Variants in CYRIA observed in about 807,000 individuals in gnomAD.
The protein encoded by CYRIA is CYFIP-related Rac1 interactor A.
CYRIA carries 15 observed loss-of-function variants against 43.9 expected under a neutral mutation model. That is an observed-to-expected ratio of 0.34 (90% CI 0.23 to 0.53). CYRIA has a LOEUF of 0.53. CYRIA is among the 20% of genes least tolerant of loss of function. The probability of loss-of-function intolerance (pLI) is 0.94; values close to 1 mark genes in which losing one functional copy is unlikely to be tolerated. For synonymous variants in CYRIA, 117 were observed against 136.0 expected (o/e 0.86, Z 0.97); for missense variants, 236 against 394.2 (o/e 0.60, Z 3.40).
rs1222504292 is a variant in CYRIA, at chr2:16,552,603, A to G, written c.*333T>C. ...TATAAACTATACTTCCCAGAGAGATAACACATCTAGAATTAAAATACTACC... is the reference window on the plus strand; with the variant it reads ...TATAAACTATACTTCCCAGAGAGATGACACATCTAGAATTAAAATACTACC... On this transcript the variant is annotated 3_prime_UTR_variant, in exon 12 of 12. Coordinates refer to ENST00000381323, the MANE Select transcript of CYRIA (RefSeq NM_030797.4). 1 of 206,256 alleles carries G rather than the reference A, an allele frequency of 4.8e-6. No homozygotes were observed. The highest frequency in any genetic ancestry group is 9.7e-6 in the Non-Finnish European group (1 of 103,572). 12.8% of individuals were successfully genotyped at this position (206,256 alleles called of 1,614,324 possible).
chr2:16,562,036 A>G lies in CYRIA; in HGVS notation c.404T>C (p.Leu135Ser). 1 of 1,613,548 alleles carries G rather than the reference A, an allele frequency of 6.2e-7. No individual in the cohort carries two copies. The highest frequency in any genetic ancestry group is 8.5e-7 in the Non-Finnish European group (1 of 1,179,646). ...CTCATCGAATCGAAGGGTAAAATGT[A>G]AAATTTCGGCAAACTCCTTTGCCAG... Reference protein sequence around the residue: ...QALAKEFAEILHFTLRFDELK... With the variant: ...QALAKEFAEISHFTLRFDELK... The change falls in exon 6 of 12, where the codon TTA (leucine) becomes TCA (serine). Residue 135 changes from leucine to serine, a missense_variant. This residue lies in a region of CYRIA where 193 missense variants were observed against 303.9 expected (regional missense o/e 0.64). Transcript: ENST00000381323.
At chr2:16,660,836 T>C (rs544323606) in intron 1 of CYRIA, among the ~76,000 whole-genome samples, 16 of 152,332 alleles carry the variant, frequency 1.1e-4, no homozygotes, top group African/African-American at 3.8e-4. Flanking sequence ...TCTGCAGCGC[T>C]AAGCTGGACC....
chr2:16,664,663 A>C (rs1394636615), intron 1 of CYRIA, among the ~76,000 whole-genome samples: 1 of 152,182 alleles, frequency 6.6e-6, no homozygotes, highest in Non-Finnish European at 1.5e-5. Flanking sequence ...CCAGGGTCCC[A>C]GATCAGCATT....
chr2:16,605,073 C>T (rs1668347434), intron 2 of CYRIA, among the ~76,000 whole-genome samples: 1 of 152,132 alleles, frequency 6.6e-6, no homozygotes, highest in Admixed American at 6.5e-5. Flanking sequence ...CTTGGCATTC[C>T]CCATGGAATA....
chr2:16,586,100 G>A (rs545675231), intron 3 of CYRIA, among the ~76,000 whole-genome samples: 9 of 152,202 alleles, frequency 5.9e-5, no homozygotes, highest in Non-Finnish European at 1.0e-4. Flanking sequence ...AGGTACATAT[G>A]AGCATGCACA....
Position 16,638,654 on chromosome 2 carries a change from C to T in CYRIA, c.-166-14635G>A, listed in dbSNP as rs928318645. On this transcript the variant is annotated intron_variant, in intron 1 of 11. Coordinates refer to ENST00000381323, the MANE Select transcript of CYRIA (RefSeq NM_030797.4). The stretch of plus-strand genomic sequence containing the variant: ...CACCGCACATGAGGCAGGGGCTGGG[C>T]GGACCACAGAGGGCCTAGCAAATAC... Among the ~76,000 whole-genome samples the T allele has an allele frequency of 7.2e-5, 11 of 152,200 alleles. No individual in the cohort carries two copies. The South Asian group carries it at 8.3e-4, about 11-fold the overall frequency.
At chr2:16,606,901 C>T (rs1668418735) in intron 2 of CYRIA, among the ~76,000 whole-genome samples, 1 of 151,906 alleles carries the variant, frequency 6.6e-6, no homozygotes, top group Non-Finnish European at 1.5e-5. Context: ...GAAATTTGCT[C>T]CCAGGTCAAA....
rs547228270 is a variant in CYRIA, at chr2:16,612,325, A to G, written c.-11+11539T>C. Among the ~76,000 whole-genome samples the G allele has an allele frequency of 5.9e-4, 89 of 151,954 alleles. 2 individuals carry two copies. The highest frequency in any genetic ancestry group is 2.1e-3 in the African/African-American group (86 of 41,420). On this transcript the variant is annotated intron_variant, in intron 2 of 11. Coordinates refer to ENST00000381323, the MANE Select transcript of CYRIA (RefSeq NM_030797.4). Reference sequence around the variant, plus strand: ...GTGGATGGGAGGGGGGAAAAGGGTGAGAGGATAGGAAGAAGGAAGGAAGGA... The same window carrying G: ...GTGGATGGGAGGGGGGAAAAGGGTGGGAGGATAGGAAGAAGGAAGGAAGGA...
chr2:16,634,068 A>G (rs564537927), intron 1 of CYRIA, among the ~76,000 whole-genome samples: 1 of 152,184 alleles, frequency 6.6e-6, no homozygotes, highest in Admixed American at 6.5e-5. Context: ...ACACTGAGTC[A>G]TGGTCGAGGT....
intron 5 of CYRIA, 140 bp downstream of exon 5, chr2:16,563,849 T>C: frequency 1.7e-6 from 1 of 601,970 alleles, no homozygotes; most frequent in South Asian, 2.1e-5. Context: ...ACAAGAGTTG[T>C]TGCTCATAAA....
intron 3 of CYRIA, among the ~76,000 whole-genome samples, chr2:16,583,771 G>A (rs934914619): frequency 1.3e-5 from 2 of 152,164 alleles, no homozygotes; most frequent in African/African-American, 4.8e-5. Flanking sequence ...GAAGGAAGTA[G>A]AGAGGGAAGA....
chr2:16,618,263 C>T (rs1436545186), intron 2 of CYRIA, among the ~76,000 whole-genome samples: 2 of 152,192 alleles, frequency 1.3e-5, no homozygotes, highest in African/African-American at 4.8e-5. Flanking sequence ...TTTCTCTCTT[C>T]ACTCCCTCTT....
chr2:16,571,851 C>A (rs1019176861), intron 3 of CYRIA, among the ~76,000 whole-genome samples: 8 of 152,128 alleles, frequency 5.3e-5, no homozygotes, highest in Admixed American at 5.2e-4. Context: ...AAATAATTAT[C>A]TATTATTAAT....
At chr2:16,581,798 C>G (rs577440735) in intron 3 of CYRIA, among the ~76,000 whole-genome samples, 107 of 151,942 alleles carry the variant, frequency 7.0e-4, no homozygotes, top group African/African-American at 2.6e-3. Flanking sequence ...GGGAAATAGC[C>G]CATATGATCA....
Position 16,642,778 on chromosome 2 carries a change from C to G in CYRIA, c.-166-18759G>C, listed in dbSNP as rs191426611. 2.9e-3 allele frequency among the ~76,000 whole-genome samples: 439 copies of G among 152,258 alleles called. 7 individuals are homozygous for G. Among genetic ancestry groups the G allele is most frequent in the African/African-American group, 1.0e-2 (415 of 41,546 alleles). The stretch of plus-strand genomic sequence containing the variant: ...CTCTTTGCCTAGAATACATTTCTCC[C>G]AGATATATGTGTGCTCACTCCTTCA... On this transcript the variant is annotated intron_variant, in intron 1 of 11. Coordinates refer to ENST00000381323, the MANE Select transcript of CYRIA (RefSeq NM_030797.4).
intron 3 of CYRIA, 89 bp downstream of exon 3, chr2:16,587,961 A>C: frequency 1.2e-6 from 1 of 808,042 alleles, no homozygotes; most frequent in Non-Finnish European, 2.0e-6. Flanking sequence ...TGATTCAACT[A>C]TGATATAAAT....
At chr2:16,630,257 C>T (rs1019869836) in intron 1 of CYRIA, among the ~76,000 whole-genome samples, 1 of 152,070 alleles carries the variant, frequency 6.6e-6, no homozygotes, top group Non-Finnish European at 1.5e-5. Context: ...GAGTAGATAA[C>T]GAAGTGCGCA....
chr2:16,599,580 C>G (rs1277785866), intron 2 of CYRIA, among the ~76,000 whole-genome samples: 1 of 138,488 alleles, frequency 7.2e-6, no homozygotes, highest in East Asian at 2.1e-4. Context: ...ATGCCTCGCC[C>G]TGCTTCGGCT....
intron 1 of CYRIA, among the ~76,000 whole-genome samples, chr2:16,640,841 T>C (rs958307441): frequency 1.4e-5 from 2 of 143,404 alleles, no homozygotes; most frequent in African/African-American, 2.6e-5. Flanking sequence ...GTTCCAAAAA[T>C]AAGCAGCTTC....
Sources: allele counts gnomAD v4.1 joint callset (sites outside exome capture counted in the v4.1 genomes callset), GRCh38; gene constraint gnomAD v4.1.1; regional missense constraint gnomAD v4.1.1; transcripts MANE v1.5; gene names NCBI Gene and HGNC (gene_info 2026-07-23, HGNC 2026-07-21).